The following ST8SIA6 variants were observed in gnomAD, a reference collection of about 807,000 sequenced individuals.
The protein encoded by ST8SIA6 is alpha-2,8-sialyltransferase 8F.
Under a neutral mutation model 33.6 loss-of-function variants are expected in ST8SIA6, and 39 were observed. The ratio of observed to expected loss-of-function variants is 1.16; its 90% CI spans 0.90 to 1.52. The LOEUF (loss-of-function observed/expected upper bound fraction) is 1.52, where lower values mean the gene tolerates loss of function less well. ST8SIA6 is among the 40% of genes most tolerant of loss of function. The probability of loss-of-function intolerance (pLI) is 0.00; values close to 1 mark genes in which losing one functional copy is unlikely to be tolerated. For synonymous variants in ST8SIA6, 172 were observed against 167.2 expected, an observed-to-expected ratio of 1.03 and a Z score of -0.22; for missense variants, 441 against 443.8, an observed-to-expected ratio of 0.99 and a Z score of 0.06.
chr10:17,371,104 G>A (rs1468812862), intron 3 of ST8SIA6, among the ~76,000 whole-genome samples: 4 of 152,102 alleles, frequency 2.6e-5, no homozygotes, highest in Admixed American at 6.5e-5. Flanking sequence ...GATGGGACAT[G>A]GTATGGCTAA....
Position 17,323,084 on chromosome 10 carries a change from G to T in ST8SIA6, c.709C>A (p.Pro237Thr). 6.2e-7 allele frequency: 1 copy of T among 1,613,350 alleles called. No individual in the cohort carries two copies. Residue 237 changes from proline to threonine, a missense_variant, in exon 7 of 8, where the codon CCA becomes ACA. Physicochemically the swap from Pro to Thr is conservative, Grantham distance 38. Coordinates refer to ENST00000377602, the MANE Select transcript of ST8SIA6 (RefSeq NM_001004470.3). ...ACTTACTTCAGAGTTATGATGCTTG[G>T]ATTTATAGTCACAAGATTTGTTTTA... ...GSKTNLVTIN[P>T]SIITLKYGNL...
chr10:17,371,280 A>G (rs1321737979), intron 3 of ST8SIA6, among the ~76,000 whole-genome samples: 1 of 152,212 alleles, frequency 6.6e-6, no homozygotes, highest in African/African-American at 2.4e-5. Flanking sequence ...CAGGCATTCC[A>G]GGAAAGCTCT....
chr10:17,395,066 T>C (rs116814943), intron 2 of ST8SIA6, among the ~76,000 whole-genome samples: 2,652 of 152,208 alleles, frequency 0.017, 76 homozygotes, highest in African/African-American at 0.06. Context: ...TCGGAGATAA[T>C]TGAATCACGG....
chr10:17,421,427 G>T (rs533913977), intron 2 of ST8SIA6, among the ~76,000 whole-genome samples: 1 of 152,304 alleles, frequency 6.6e-6, no homozygotes, highest in African/African-American at 2.4e-5. Flanking sequence ...AAAAGAAATT[G>T]TATAGTATGT....
chr10:17,398,322 A>G (rs1488471139), intron 2 of ST8SIA6, among the ~76,000 whole-genome samples: 1 of 151,366 alleles, frequency 6.6e-6, no homozygotes, highest in African/African-American at 2.4e-5. Flanking sequence ...GCAAGACTCC[A>G]TCTTAAGGAA....
chr10:17,358,824 C>CA (rs1301558343), intron 4 of ST8SIA6, among the ~76,000 whole-genome samples: 7 of 151,960 alleles, frequency 4.6e-5, no homozygotes, highest in Non-Finnish European at 5.9e-5. Context: ...CCCCGCCCCC[C>CA]AAAAAAACCA....
chr10:17,422,690 G>A (rs1204509164), intron 2 of ST8SIA6, among the ~76,000 whole-genome samples: 1 of 152,164 alleles, frequency 6.6e-6, no homozygotes, highest in Non-Finnish European at 1.5e-5. Flanking sequence ...CTGACTCTGA[G>A]GGGCAACAAT....
chr10:17,323,626 C>T (rs1848033520), intron 6 of ST8SIA6, among the ~76,000 whole-genome samples: 1 of 152,022 alleles, frequency 6.6e-6, no homozygotes, highest in Admixed American at 6.5e-5. Context: ...CTCAAGTGAT[C>T]CACCTGCCTT....
At chr10:17,343,931 T>C (rs1258368146) in intron 4 of ST8SIA6, among the ~76,000 whole-genome samples, 3 of 152,220 alleles carry the variant, frequency 2.0e-5, no homozygotes, top group African/African-American at 7.2e-5. Context: ...AAGCACTTTA[T>C]ATATTATTTA....
intron 2 of ST8SIA6, among the ~76,000 whole-genome samples, chr10:17,403,304 A>C (rs1450986463): frequency 6.6e-6 from 1 of 152,236 alleles, no homozygotes; most frequent in Non-Finnish European, 1.5e-5. Context: ...TGGTGTCTTT[A>C]GGCGAGTAGA....
intron 2 of ST8SIA6, among the ~76,000 whole-genome samples, chr10:17,424,768 C>T (rs1461478958): frequency 1.3e-5 from 2 of 148,954 alleles, no homozygotes; most frequent in East Asian, 2.0e-4. Context: ...AACAGAGTCT[C>T]GGTCACCCAG....
At chr10:17,380,951 GTTTGTA>G (rs1461839340) in intron 3 of ST8SIA6, among the ~76,000 whole-genome samples, 1 of 150,990 alleles carries the variant, frequency 6.6e-6, no homozygotes. Context: ...ATGTGTACGT[GTTTGTA>G]TTTGAAAGGC....
At chr10:17,332,650 G>A (rs1848337464) in intron 4 of ST8SIA6, among the ~76,000 whole-genome samples, 1 of 151,952 alleles carries the variant, frequency 6.6e-6, no homozygotes, top group South Asian at 2.1e-4. Flanking sequence ...AGTAGAGACA[G>A]GGTTTCACCA....
intron 4 of ST8SIA6, among the ~76,000 whole-genome samples, chr10:17,336,790 C>T (rs1428944249): frequency 6.6e-6 from 1 of 151,714 alleles, no homozygotes; most frequent in African/African-American, 2.4e-5. Flanking sequence ...GACGGGGTTT[C>T]ACCATGTTGG....
At chr10:17,340,372 C>A (rs1848635832) in intron 4 of ST8SIA6, among the ~76,000 whole-genome samples, 1 of 152,132 alleles carries the variant, frequency 6.6e-6, no homozygotes, top group Non-Finnish European at 1.5e-5. Flanking sequence ...ACCTGTGTCA[C>A]CTTTAGTCAC....
chr10:17,365,247 T>C (rs1388474397), intron 3 of ST8SIA6, among the ~76,000 whole-genome samples: 1 of 152,240 alleles, frequency 6.6e-6, no homozygotes, highest in East Asian at 1.9e-4. Flanking sequence ...TTTAAACATT[T>C]TTCTAGAAAC....
chr10:17,446,144 G>A (rs937218030), intron 2 of ST8SIA6, among the ~76,000 whole-genome samples: 5 of 152,138 alleles, frequency 3.3e-5, no homozygotes, highest in Admixed American at 6.5e-5. Flanking sequence ...CCCTGAGGTG[G>A]ACAGCAGCAA....
At position 17,319,897 on chromosome 10, in the gene ST8SIA6, A is replaced by C. The variant is rs916431559; in HGVS notation, c.*981T>G. ...TTGTACATTGAAATAGATTCCACTG[A>C]AATGGATTTAATTATCCCTGCTTCT... is the stretch of plus-strand genomic sequence containing the variant. On this transcript the variant is annotated 3_prime_UTR_variant, in exon 8 of 8. Coordinates refer to ENST00000377602, the MANE Select transcript of ST8SIA6 (RefSeq NM_001004470.3). 2.0e-5 allele frequency: 3 copies of C among 152,204 alleles called. No individual in the cohort carries two copies. Among genetic ancestry groups the C allele is most frequent in the African/African-American group, 7.2e-5 (3 of 41,444 alleles). The allele number at this position is 152,204 out of a possible 1,614,324, so 9.4% of individuals were successfully genotyped here.
intron 2 of ST8SIA6, among the ~76,000 whole-genome samples, chr10:17,435,321 A>G (rs984442407): frequency 3.3e-5 from 5 of 152,100 alleles, no homozygotes; most frequent in African/African-American, 1.2e-4. Context: ...AGAAAGCTTT[A>G]TCTCCATTTC....
Sources: allele counts gnomAD v4.1 joint callset (sites outside exome capture counted in the v4.1 genomes callset), GRCh38; gene constraint gnomAD v4.1.1; transcripts MANE v1.5; gene names NCBI Gene and HGNC (gene_info 2026-07-23, HGNC 2026-07-21).